EYS: variants seen among roughly 807,000 people sequenced by gnomAD.
The protein encoded by EYS is EGF-like photoreceptor maintenance factor.
EYS carries 250 observed loss-of-function variants against 282.1 expected under a neutral mutation model. The ratio of observed to expected loss-of-function variants is 0.89; its 90% confidence interval spans 0.80 to 0.98. The LOEUF is 0.98. Among genes scored for constraint, EYS ranks in the 50% least tolerant of loss-of-function variants. EYS has a pLI of 0.00. For missense variants in EYS, 4,016 were observed against 3,709.0 expected (o/e 1.08, Z -2.15); for synonymous variants, 1,355 against 1,282.9 (o/e 1.06, Z -1.20).
intron 36 of EYS, among the ~76,000 whole-genome samples, chr6:63,843,657 C>G (rs1000314247): frequency 6.6e-6 from 1 of 152,106 alleles, no homozygotes; most frequent in Non-Finnish European, 1.5e-5. Context: ...ACTGAATGGG[C>G]AAAAGCTGGA....
chr6:64,159,210 G>T (rs1775025334), intron 31 of EYS, among the ~76,000 whole-genome samples: 1 of 152,076 alleles, frequency 6.6e-6, no homozygotes, highest in South Asian at 2.1e-4. Flanking sequence ...CTAATACAAT[G>T]TAAATGCTAG....
intron 41 of EYS, among the ~76,000 whole-genome samples, chr6:63,748,376 G>A (rs1769261856): frequency 6.6e-6 from 1 of 152,166 alleles, no homozygotes; most frequent in African/African-American, 2.4e-5. Context: ...ATGTGCTGCT[G>A]GACTTGGTTT....
At chr6:65,159,452 C>T (rs1410543940) in intron 12 of EYS, among the ~76,000 whole-genome samples, 1 of 150,732 alleles carries the variant, frequency 6.6e-6, no homozygotes, top group Non-Finnish European at 1.5e-5. Context: ...TATCTATTGT[C>T]TTTTATATGG....
At chr6:65,268,369 A>C (rs1767812357) in intron 12 of EYS, among the ~76,000 whole-genome samples, 1 of 152,098 alleles carries the variant, frequency 6.6e-6, no homozygotes, top group Admixed American at 6.6e-5. Flanking sequence ...AAGATCATGA[A>C]TATTATGTAT....
In EYS at chr6:64,067,669, C is replaced by A. The variant is rs927343025; in HGVS notation, c.6572-1178G>T. On this transcript the variant is annotated intron_variant, in intron 32 of 42. Coordinates refer to ENST00000503581, the MANE Select transcript of EYS (RefSeq NM_001142800.2). ...TACTTTTACTAATTTACAAATTAAA[C>A]TTTATCATTGGCATGATGTACAGGA... is the stretch of plus-strand genomic sequence containing the variant. Among the ~76,000 whole-genome samples the A allele has an allele frequency of 7.6e-4, 115 of 152,162 alleles. 1 individual carries two copies. Among genetic ancestry groups the A allele is most frequent in the African/African-American group, 2.7e-3 (112 of 41,534 alleles).
At chr6:65,191,106 T>C (rs1328370041) in intron 12 of EYS, among the ~76,000 whole-genome samples, 1 of 151,860 alleles carries the variant, frequency 6.6e-6, no homozygotes, top group East Asian at 1.9e-4. Context: ...CAATCTTGTC[T>C]ACATTCCAAG....
At chr6:65,419,609 C>T (rs1767375765) in intron 5 of EYS, among the ~76,000 whole-genome samples, 1 of 151,794 alleles carries the variant, frequency 6.6e-6, no homozygotes. Context: ...TTCTAGTCAT[C>T]ACATTTTAAA....
chr6:64,149,950 G>A (rs1426996251), intron 31 of EYS, among the ~76,000 whole-genome samples: 1 of 152,146 alleles, frequency 6.6e-6, no homozygotes, highest in Non-Finnish European at 1.5e-5. Context: ...GTTAACAAAT[G>A]TCAAAGTGCT....
At position 64,500,876 on chromosome 6, in the gene EYS, GT is replaced by G. The variant is rs770670858; in HGVS notation, c.5645-61525del. Among the ~76,000 whole-genome samples, 11 of 152,142 alleles carry G rather than the reference GT, an allele frequency of 7.2e-5. No homozygotes were observed. In the East Asian group the frequency reaches 1.5e-3, roughly 21 times the overall value. On this transcript the variant is annotated intron_variant, in intron 26 of 42. Coordinates refer to ENST00000503581, the MANE Select transcript of EYS (RefSeq NM_001142800.2). The stretch of plus-strand genomic sequence containing the variant: ...GCAAGGTTTAGTCAGTGTTTTTCCT[GT>G]TTTCATTATTGATTGCATAACATTG...
At chr6:64,986,751 T>A (rs1356325794) in intron 14 of EYS, among the ~76,000 whole-genome samples, 1 of 149,802 alleles carries the variant, frequency 6.7e-6, no homozygotes, top group Non-Finnish European at 1.5e-5. Flanking sequence ...ATTTTAAATT[T>A]TAGTTAAAAT....
At chr6:64,630,039 T>G (rs532463888) in intron 22 of EYS, among the ~76,000 whole-genome samples, 2 of 152,302 alleles carry the variant, frequency 1.3e-5, no homozygotes, top group South Asian at 2.1e-4. Flanking sequence ...GTTTTTAAAA[T>G]GTAGCCTTTA....
intron 1 of EYS, among the ~76,000 whole-genome samples, chr6:65,656,024 T>C (rs1767809924): frequency 6.6e-6 from 1 of 151,840 alleles, no homozygotes; most frequent in African/African-American, 2.4e-5. Context: ...TTCATTATTA[T>C]ATCTGTTAAG....
intron 35 of EYS, among the ~76,000 whole-genome samples, chr6:63,944,627 G>A (rs929391628): frequency 6.6e-6 from 1 of 152,038 alleles, no homozygotes; most frequent in African/African-American, 2.4e-5. Flanking sequence ...TTACAATAAT[G>A]ACTTTAGGAG....
intron 2 of EYS, among the ~76,000 whole-genome samples, chr6:65,574,320 G>A (rs1048678420): frequency 1.3e-5 from 2 of 152,030 alleles, no homozygotes; most frequent in African/African-American, 2.4e-5. Context: ...ACAAAGACAC[G>A]ATATAATCAA....
chr6:65,174,369 TA>T (rs1196476741), intron 12 of EYS, among the ~76,000 whole-genome samples: 1 of 151,378 alleles, frequency 6.6e-6, no homozygotes, highest in Non-Finnish European at 1.5e-5. Context: ...CACTGATTTC[TA>T]AATACAAATT....
chr6:64,530,020 T>C (rs1764278745), intron 26 of EYS, among the ~76,000 whole-genome samples: 1 of 152,088 alleles, frequency 6.6e-6, no homozygotes, highest in African/African-American at 2.4e-5. Flanking sequence ...AAGCAAGAAG[T>C]ATTCAACCTT....
At chr6:63,724,031 T>A (rs1247454856) in intron 42 of EYS, among the ~76,000 whole-genome samples, 1 of 152,118 alleles carries the variant, frequency 6.6e-6, no homozygotes, top group Non-Finnish European at 1.5e-5. Context: ...GGTCTTGACC[T>A]CCTGACTTCA....
chr6:64,450,001 TAAC>T (rs781756937), intron 26 of EYS, among the ~76,000 whole-genome samples: 3 of 151,990 alleles, frequency 2.0e-5, no homozygotes, highest in Non-Finnish European at 4.4e-5. Flanking sequence ...AATTCACACA[TAAC>T]AATACTAACC....
chr6:65,358,497 A>G (rs1910310), intron 8 of EYS, among the ~76,000 whole-genome samples: 1 of 151,578 alleles, frequency 6.6e-6, no homozygotes, highest in East Asian at 2.0e-4. Flanking sequence ...GTTGATTATA[A>G]ACTCAAAGCT....
Sources: gnomAD v4.1 joint callset for allele counts (sites outside exome capture counted in the v4.1 genomes callset) on GRCh38, gnomAD v4.1.1 for gene constraint, MANE v1.5 for transcripts, NCBI Gene and HGNC (gene_info 2026-07-23, HGNC 2026-07-21) for gene names.